The following RFC3 variants were observed in gnomAD, a reference collection of about 807,000 sequenced individuals.
The protein encoded by RFC3 is replication factor C subunit 3, also known as A1 38 kDa subunit.
Under a neutral mutation model 45.1 loss-of-function variants are expected in RFC3, and 41 were observed. The observed-to-expected ratio is 0.91, with a 90% CI of 0.71 to 1.18. The LOEUF is 1.18. Among genes scored for constraint, RFC3 ranks in the 50% most tolerant of loss-of-function variants. RFC3 has a pLI of 0.00. For missense variants in RFC3, 423 were observed against 428.1 expected (o/e 0.99, Z 0.10); for synonymous variants, 149 against 144.0 (o/e 1.03, Z -0.25).
chr13:33,972,206 CT>C, the RFC3 span, among the ~76,000 whole-genome samples: 7 of 152,128 alleles, frequency 4.6e-5, no homozygotes, highest in African/African-American at 1.7e-4. Flanking sequence ...TGTTTTTGAA[CT>C]TTTTTTTCAA....
chr13:33,960,693 T>C (rs575249474), intron 8 of RFC3, among the ~76,000 whole-genome samples: 3 of 151,604 alleles, frequency 2.0e-5, no homozygotes, highest in Non-Finnish European at 2.9e-5. Flanking sequence ...CCCTGGGAGG[T>C]GCAGGCTCCC....
intron 8 of RFC3, among the ~76,000 whole-genome samples, chr13:33,905,691 C>T (rs2082668312): frequency 6.6e-6 from 1 of 151,954 alleles, no homozygotes; most frequent in South Asian, 2.1e-4. Flanking sequence ...CTAGTAAGTG[C>T]ACTCTAAATA....
At chr13:33,818,541 G>C (rs1253688466) in intron 1 of RFC3, among the ~76,000 whole-genome samples, 2 of 152,244 alleles carry the variant, frequency 1.3e-5, no homozygotes, top group East Asian at 1.9e-4. Context: ...AGGTAAGAGG[G>C]GACAGCAAGT....
intron 8 of RFC3, among the ~76,000 whole-genome samples, chr13:33,914,500 C>G (rs2082721686): frequency 6.6e-6 from 1 of 152,032 alleles, no homozygotes; most frequent in Non-Finnish European, 1.5e-5. Context: ...TAAATTGGAA[C>G]AATATTTTAA....
chr13:33,899,439 TA>T (rs2082625271), intron 8 of RFC3, among the ~76,000 whole-genome samples: 1 of 151,574 alleles, frequency 6.6e-6, no homozygotes, highest in Non-Finnish European at 1.5e-5. Context: ...AAAATATAAT[TA>T]TTTCAATAGA....
At chr13:33,882,632 G>A (rs995991907) in intron 8 of RFC3, among the ~76,000 whole-genome samples, 5 of 152,188 alleles carry the variant, frequency 3.3e-5, no homozygotes, top group South Asian at 4.1e-4. Context: ...CCTAGATCTC[G>A]AACTTCCCAG....
At position 33,829,992 on chromosome 13, in the gene RFC3, G is replaced by A. The variant is rs761230186; in HGVS notation, c.548G>A (p.Arg183His). Residue 183 changes from arginine (R) to histidine (H), a missense_variant, in exon 5 of 9, where the codon CGT becomes CAT. By Grantham distance (29) the Arg-to-His change is conservative (BLOSUM62 0). Coordinates refer to ENST00000380071, the MANE Select transcript of RFC3 (RefSeq NM_002915.4). The part of the protein sequence containing the change: ...PPIRSRCLAV[R>H]VPAPSIEDIC... ...ATTCGTAGTAGGTGCTTGGCGGTTC[G>A]TGTGCCTGCTCCCAGCATTGAAGAT... The A allele has an allele frequency of 8.7e-6, 14 of 1,613,950 alleles. No homozygotes were observed. The highest frequency in any genetic ancestry group is 3.3e-5 in the Admixed American group (2 of 59,984).
chr13:33,833,784 C>A (rs1189669568), intron 7 of RFC3, among the ~76,000 whole-genome samples: 5 of 152,074 alleles, frequency 3.3e-5, no homozygotes, highest in African/African-American at 1.2e-4. Flanking sequence ...AAATCACAGG[C>A]TTTTGAGTCA....
In RFC3 at chr13:33,836,359, A is replaced by G; in HGVS notation, c.*64A>G. 1.3e-6 allele frequency: 2 copies of G among 1,561,218 alleles called. No homozygotes were observed. Among genetic ancestry groups the G allele is most frequent in the East Asian group, 2.3e-5 (1 of 44,142 alleles). ...GTATTTACATACAGCTTATATTAAAAGAGCTGTGGGTAAATTAACTGAACT... is the reference window on the plus strand; with the variant it reads ...GTATTTACATACAGCTTATATTAAAGGAGCTGTGGGTAAATTAACTGAACT... On this transcript the variant is annotated 3_prime_UTR_variant, in exon 9 of 9. Coordinates refer to ENST00000380071, the MANE Select transcript of RFC3 (RefSeq NM_002915.4).
chr13:33,820,994 A>G (rs2081997584), intron 1 of RFC3, 138 bp from the exon 2 acceptor site: 2 of 587,324 alleles, frequency 3.4e-6, no homozygotes, highest in Non-Finnish European at 5.6e-6. Context: ...CACATATATA[A>G]AAAATTGGGT....
chr13:33,957,749 C>T (rs541434618), intron 8 of RFC3, among the ~76,000 whole-genome samples: 3 of 152,144 alleles, frequency 2.0e-5, no homozygotes, highest in East Asian at 1.9e-4. Flanking sequence ...TGTAGTCAAA[C>T]GTGAAGGTCT....
At chr13:33,858,485 TCTTCA>T (rs766214531) in intron 8 of RFC3, among the ~76,000 whole-genome samples, 34 of 152,190 alleles carry the variant, frequency 2.2e-4, no homozygotes, top group African/African-American at 4.6e-4. Context: ...CCCTTCCCAC[TCTTCA>T]CTTCACAAGC....
chr13:33,940,444 C>G (rs2082915901), intron 8 of RFC3, among the ~76,000 whole-genome samples: 1 of 152,002 alleles, frequency 6.6e-6, no homozygotes, highest in Non-Finnish European at 1.5e-5. Flanking sequence ...GCTTTATAGC[C>G]CAGCATGTTG....
chr13:33,825,754 G>T, intron 3 of RFC3, 35 bp from the exon 4 acceptor site: 1 of 1,199,854 alleles, frequency 8.3e-7, no homozygotes, highest in Non-Finnish European at 1.2e-6. Context: ...CAATATTAAG[G>T]GCATACTATA....
At chr13:33,856,622 A>G (rs189390243) in intron 8 of RFC3, among the ~76,000 whole-genome samples, 1 of 152,312 alleles carries the variant, frequency 6.6e-6, no homozygotes, top group African/African-American at 2.4e-5. Context: ...TGAATGAGAG[A>G]CGTCTGTTGA....
At chr13:33,902,368 A>C (rs2082647000) in intron 8 of RFC3, among the ~76,000 whole-genome samples, 1 of 152,052 alleles carries the variant, frequency 6.6e-6, no homozygotes, top group South Asian at 2.1e-4. Context: ...CAGGTGACAT[A>C]CTATGGGATT....
chr13:33,841,689 C>A (rs1162023234), downstream of RFC3, among the ~76,000 whole-genome samples: 1 of 152,080 alleles, frequency 6.6e-6, no homozygotes, highest in African/African-American at 2.4e-5. Flanking sequence ...GGTCTATGCC[C>A]TTAACTCTTG....
At chr13:33,859,347 T>C (rs561438455) in intron 8 of RFC3, among the ~76,000 whole-genome samples, 5 of 152,222 alleles carry the variant, frequency 3.3e-5, no homozygotes, top group Non-Finnish European at 5.9e-5. Flanking sequence ...CCCAACATAC[T>C]TATAATAGAG....
chr13:33,875,740 G>A (rs1426031801), intron 8 of RFC3, among the ~76,000 whole-genome samples: 1 of 152,118 alleles, frequency 6.6e-6, no homozygotes, highest in South Asian at 2.1e-4. Context: ...CCTGGGTTAG[G>A]AGCCTCTCCT....
Sources: allele counts gnomAD v4.1 joint callset (sites outside exome capture counted in the v4.1 genomes callset), GRCh38; gene constraint gnomAD v4.1.1; transcripts MANE v1.5; gene names NCBI Gene and HGNC (gene_info 2026-07-23, HGNC 2026-07-21).